The following DNAAF9 variants were observed in gnomAD, a reference collection of about 807,000 sequenced individuals.
DNAAF9 encodes dynein axonemal assembly factor 9.
Under a neutral mutation model 167.0 loss-of-function variants are expected in DNAAF9, and 90 were observed. That is an observed-to-expected ratio of 0.54 (90% CI 0.45 to 0.64). The LOEUF (loss-of-function observed/expected upper bound fraction) is 0.64. Ranked by LOEUF, DNAAF9 falls within the 30% of genes least tolerant of loss-of-function variation. The pLI, the probability that DNAAF9 is intolerant of heterozygous loss-of-function variation, is 0.00. For synonymous variants in DNAAF9, 491 were observed against 508.8 expected, an observed-to-expected ratio of 0.96 and a Z score of 0.47; for missense variants, 1,315 against 1,442.2, an observed-to-expected ratio of 0.91 and a Z score of 1.43.
Position 3,294,259 on chromosome 20 carries a change from A to G in DNAAF9, c.2121-3T>C. On this transcript the variant is annotated splice_polypyrimidine_tract_variant and splice_region_variant and intron_variant, in intron 24 of 36. Coordinates refer to ENST00000252032, the MANE Select transcript of DNAAF9 (RefSeq NM_001009984.3). ...TGATGGCGAAATGCTGGAGAAACCT[A>G]AAAACACAAAGACAATGCTATTATG... 6.3e-7 allele frequency: 1 copy of G among 1,583,632 alleles called. No homozygotes were observed. Among genetic ancestry groups the G allele is most frequent in the Non-Finnish European group, 8.7e-7 (1 of 1,152,450 alleles).
chr20:3,385,319 T>C (rs187124291), intron 1 of DNAAF9, among the ~76,000 whole-genome samples: 49 of 152,340 alleles, frequency 3.2e-4, no homozygotes, highest in Non-Finnish European at 3.1e-4. Flanking sequence ...GATGACATGA[T>C]GGTCTCTGTA....
intron 10 of DNAAF9, among the ~76,000 whole-genome samples, chr20:3,338,089 CACAT>C (rs1035685893): frequency 3.3e-5 from 5 of 149,318 alleles, no homozygotes; most frequent in African/African-American, 9.8e-5. Context: ...TATATATACA[CACAT>C]ACATACATAC....
chr20:3,362,434 TTTC>T (rs1391147947), intron 6 of DNAAF9: 1 of 422,114 alleles, frequency 2.4e-6, no homozygotes, highest in Non-Finnish European at 4.1e-6. Context: ...TCCAATTTGC[TTTC>T]TTATTATTAT....
intron 10 of DNAAF9, among the ~76,000 whole-genome samples, chr20:3,333,107 C>T (rs1018618098): frequency 6.6e-6 from 1 of 152,132 alleles, no homozygotes; most frequent in East Asian, 1.9e-4. Context: ...ACATGACAGG[C>T]AGAGGTGTGG....
intron 23 of DNAAF9, 31 bp downstream of exon 23, chr20:3,296,830 A>C (rs1568586777): frequency 1.4e-6 from 2 of 1,402,434 alleles, no homozygotes; most frequent in Non-Finnish European, 2.0e-6. Flanking sequence ...AGCCTAGGGA[A>C]GCAAGCACAA....
chr20:3,330,008 C>A (rs973830937), intron 12 of DNAAF9, among the ~76,000 whole-genome samples: 9 of 152,174 alleles, frequency 5.9e-5, no homozygotes, highest in African/African-American at 2.2e-4. Context: ...TCACATGATT[C>A]TCCCAATGGA....
intron 1 of DNAAF9, among the ~76,000 whole-genome samples, chr20:3,405,042 T>C (rs1178323103): frequency 6.6e-6 from 1 of 152,106 alleles, no homozygotes; most frequent in Non-Finnish European, 1.5e-5. Context: ...CAACAGAAAT[T>C]TGTACCATGA....
At chr20:3,316,024 C>T (rs1354989646) in intron 18 of DNAAF9, 2 of 563,800 alleles carry the variant, frequency 3.5e-6, no homozygotes, top group Non-Finnish European at 6.3e-6. Context: ...GAGCTTATGA[C>T]AAGCAGAGGG....
chr20:3,322,228 A>G lies in DNAAF9; in HGVS notation c.1345T>C (p.Phe449Leu). Reference protein sequence around the residue: ...VPLDSEDSLSFVKTACMAVYD... With the variant: ...VPLDSEDSLSLVKTACMAVYD... ...ATAGCTCTGCTTACCGTCTTCACAA[A>G]GGATAAGCTATCTTCACTGTCCAGC... The change falls in exon 16 of 37, where the codon TTT becomes CTT. Residue 449 changes from phenylalanine to leucine, a missense_variant. Transcript: ENST00000252032. 6.2e-7 allele frequency: 1 copy of G among 1,610,330 alleles called. No homozygotes were observed. The highest frequency in any genetic ancestry group is 8.5e-7 in the Non-Finnish European group (1 of 1,177,562).
chr20:3,407,047 T>C (rs1252571527), intron 1 of DNAAF9, among the ~76,000 whole-genome samples: 1 of 152,064 alleles, frequency 6.6e-6, no homozygotes, highest in Non-Finnish European at 1.5e-5. Flanking sequence ...GTGAGGTCTG[T>C]AGAGTAGCAG....
chr20:3,402,397 T>C (rs73579609), intron 1 of DNAAF9, among the ~76,000 whole-genome samples: 3,038 of 152,060 alleles, frequency 0.02, 102 homozygotes, highest in African/African-American at 0.067. Flanking sequence ...GTACACTTAA[T>C]ATCCACTCTG....
chr20:3,257,014 AAC>A (rs897905507), intron 33 of DNAAF9, among the ~76,000 whole-genome samples: 3 of 152,046 alleles, frequency 2.0e-5, no homozygotes, highest in Non-Finnish European at 2.9e-5. Context: ...AACAAAACAA[AAC>A]AGACAAAAAA....
chr20:3,321,475 T>C (rs897937082), intron 16 of DNAAF9, among the ~76,000 whole-genome samples: 6 of 152,380 alleles, frequency 3.9e-5, no homozygotes, highest in African/African-American at 1.4e-4. Flanking sequence ...AGTATTATGA[T>C]ATTATGGGAC....
intron 4 of DNAAF9, among the ~76,000 whole-genome samples, chr20:3,375,967 A>G (rs1042060378): frequency 6.6e-6 from 1 of 152,210 alleles, no homozygotes; most frequent in Non-Finnish European, 1.5e-5. Context: ...CTAGGTCCCA[A>G]TTTGAACAGC....
At chr20:3,334,435 TC>T (rs1362503870) in intron 10 of DNAAF9, among the ~76,000 whole-genome samples, 3 of 152,344 alleles carry the variant, frequency 2.0e-5, no homozygotes, top group Non-Finnish European at 2.9e-5. Flanking sequence ...ACAGCTCTTT[TC>T]TTTTTATCCC....
At chr20:3,336,414 G>GTT (rs35399689) in intron 10 of DNAAF9, among the ~76,000 whole-genome samples, 122 of 147,112 alleles carry the variant, frequency 8.3e-4, no homozygotes, top group South Asian at 3.6e-3. Context: ...GTTTTGTTCA[G>GTT]TTTTTTTTTT....
intron 6 of DNAAF9, among the ~76,000 whole-genome samples, chr20:3,369,399 T>G (rs1166038581): frequency 6.6e-6 from 1 of 151,362 alleles, no homozygotes; most frequent in Admixed American, 6.6e-5. Flanking sequence ...TTTTTTCAGA[T>G]GGAGTCTCGC....
rs534764706 is a variant in DNAAF9, at chr20:3,256,281, C to T, written c.3056-70G>A. 3.5e-5 allele frequency: 38 copies of T among 1,080,306 alleles called. No homozygotes were observed. The African/African-American group carries it at 4.9e-4, about 14-fold the overall frequency. The allele number at this position is 1,080,306 out of a possible 1,614,324, so 66.9% of individuals were successfully genotyped here. ...GGATACAGCTATGCTAAGACTGTGACAATGCAGATGGTTGGGATAGATTCA... is the reference window on the plus strand; with the variant it reads ...GGATACAGCTATGCTAAGACTGTGATAATGCAGATGGTTGGGATAGATTCA... On this transcript the variant is annotated intron_variant, in intron 33 of 36. Transcript: ENST00000252032.
At chr20:3,307,103 T>A in intron 20 of DNAAF9, 1 of 985,182 alleles carries the variant, frequency 1.0e-6, no homozygotes, top group Non-Finnish European at 1.2e-6. Context: ...TTGGAGAAGC[T>A]GGCACATTCC....
Sources: gnomAD v4.1 joint callset for allele counts (sites outside exome capture counted in the v4.1 genomes callset) on GRCh38, gnomAD v4.1.1 for gene constraint, MANE v1.5 for transcripts, NCBI Gene and HGNC (gene_info 2026-07-23, HGNC 2026-07-21) for gene names.